The following TARBP1 variants were observed in gnomAD, a reference collection of about 807,000 sequenced individuals.
TARBP1 encodes the protein tRNA guanosine 2 -O-methyltransferase TARBP1, also known as tRNA (guanosine(18)-2'-O)-methyltransferase TARBP1.
TARBP1 carries 144 observed loss-of-function variants against 178.6 expected under a neutral mutation model. The ratio of observed to expected loss-of-function variants is 0.81; its 90% CI spans 0.70 to 0.93. The LOEUF (loss-of-function observed/expected upper bound fraction) is 0.93. TARBP1 is among the 40% of genes least tolerant of loss of function. TARBP1 has a pLI of 0.00. For missense variants in TARBP1, 2,067 were observed against 2,011.7 expected (o/e 1.03, Z -0.53); for synonymous variants, 787 against 781.0 (o/e 1.01, Z -0.13).
chr1:234,402,256 G>C (rs1660747101), intron 24 of TARBP1, among the ~76,000 whole-genome samples: 1 of 152,134 alleles, frequency 6.6e-6, no homozygotes, highest in Admixed American at 6.5e-5. Flanking sequence ...GTTTTCATTC[G>C]ATGCCTTTCT....
chr1:234,468,659 T>C (rs1458925844), intron 3 of TARBP1, among the ~76,000 whole-genome samples: 1 of 151,998 alleles, frequency 6.6e-6, no homozygotes, highest in Non-Finnish European at 1.5e-5. Flanking sequence ...TCCTTCAACA[T>C]CTCCTCATTG....
intron 12 of TARBP1, among the ~76,000 whole-genome samples, chr1:234,438,548 G>T (rs1436992561): frequency 6.6e-6 from 1 of 152,176 alleles, no homozygotes; most frequent in Non-Finnish European, 1.5e-5. Context: ...TGCGAGAGGA[G>T]TCAGAACTTG....
chr1:234,397,885 G>A (rs72761959), intron 26 of TARBP1, among the ~76,000 whole-genome samples: 23 of 117,080 alleles, frequency 2.0e-4, no homozygotes, highest in Non-Finnish European at 3.9e-4. Context: ...CCCAGAGGAA[G>A]CTGGTGGAAA....
intron 26 of TARBP1, 30 bp downstream of exon 26, chr1:234,398,352 G>A: frequency 1.9e-6 from 3 of 1,541,598 alleles, no homozygotes; most frequent in South Asian, 1.3e-5. Flanking sequence ...ATCAACAAGG[G>A]GAAAAAATAA....
intron 5 of TARBP1, 78 bp from the exon 6 acceptor site, chr1:234,464,012 C>T (rs1293535890): frequency 5.0e-6 from 4 of 797,380 alleles, no homozygotes; most frequent in Non-Finnish European, 7.3e-6. Context: ...CTAAATGGAC[C>T]ATGGCCCAAA....
chr1:234,408,488 G>A (rs1661489543), intron 23 of TARBP1, among the ~76,000 whole-genome samples: 1 of 152,182 alleles, frequency 6.6e-6, no homozygotes. Flanking sequence ...TTAGCCTCAA[G>A]ATTAGAAATT....
intron 23 of TARBP1, chr1:234,407,031 A>C (rs1661314845): frequency 6.6e-6 from 1 of 152,270 alleles, no homozygotes; most frequent in Admixed American, 6.5e-5. Context: ...GGATAAAAAC[A>C]GAGATAAACA....
intron 28 of TARBP1, among the ~76,000 whole-genome samples, chr1:234,393,137 A>G (rs917717039): frequency 2.0e-5 from 3 of 152,246 alleles, no homozygotes; most frequent in East Asian, 1.9e-4. Context: ...CTATAAAAAA[A>G]TAAGTAGAAA....
intron 11 of TARBP1, among the ~76,000 whole-genome samples, 183 bp from the exon 12 acceptor site, chr1:234,447,158 G>GCTTTCCC (rs1337164729): frequency 1.3e-5 from 2 of 152,038 alleles, no homozygotes; most frequent in Non-Finnish European, 2.9e-5. Flanking sequence ...TCCCGTGAGG[G>GCTTTCCC]TGGCGACTCA....
intron 22 of TARBP1, among the ~76,000 whole-genome samples, chr1:234,417,036 T>C (rs2103084233): frequency 6.6e-6 from 1 of 152,204 alleles, no homozygotes; most frequent in East Asian, 1.9e-4. Flanking sequence ...AATTATGAAG[T>C]TGACTGCAGT....
At chr1:234,471,093 G>T in intron 3 of TARBP1, 95 bp downstream of exon 3, 1 of 940,992 alleles carries the variant, frequency 1.1e-6, no homozygotes, top group Non-Finnish European at 1.6e-6. Context: ...CACTTTTATA[G>T]TTTTTCAAAA....
At chr1:234,466,300 C>T (rs969070483) in intron 4 of TARBP1, among the ~76,000 whole-genome samples, 1 of 152,042 alleles carries the variant, frequency 6.6e-6, no homozygotes, top group African/African-American at 2.4e-5. Context: ...TCCCTTGAGG[C>T]CAGGATTTTG....
chr1:234,475,129 G>A (rs1558265938), intron 1 of TARBP1, among the ~76,000 whole-genome samples: 1 of 152,212 alleles, frequency 6.6e-6, no homozygotes, highest in Non-Finnish European at 1.5e-5. Flanking sequence ...GCCTGCCCCG[G>A]TGCTCTCGAG....
intron 25 of TARBP1, among the ~76,000 whole-genome samples, chr1:234,400,053 C>CAAATAAAAAAA (rs748345592): frequency 1.4e-5 from 2 of 142,062 alleles, no homozygotes; most frequent in African/African-American, 5.2e-5. Context: ...AAAATAAAAA[C>CAAATAAAAAAA]AAAAAAAAAA....
At chr1:234,471,127 G>T in intron 3 of TARBP1, 61 bp downstream of exon 3, 1 of 1,270,326 alleles carries the variant, frequency 7.9e-7, no homozygotes, top group Non-Finnish European at 1.1e-6. Context: ...ACAGGAATTA[G>T]TTACAAAATC....
In TARBP1 at chr1:234,398,563, G is replaced by C. The variant is rs756265540; in HGVS notation, c.4072-10C>G. 6.6e-7 allele frequency: 1 copy of C among 1,518,198 alleles called. No individual in the cohort carries two copies. The highest frequency in any genetic ancestry group is 8.9e-7 in the Non-Finnish European group (1 of 1,125,676). 94.0% of individuals were successfully genotyped at this position (1,518,198 alleles called of 1,614,324 possible). On this transcript the variant is annotated splice_polypyrimidine_tract_variant and intron_variant, in intron 25 of 29. Coordinates refer to ENST00000040877, the MANE Select transcript of TARBP1 (RefSeq NM_005646.4). The stretch of plus-strand genomic sequence containing the variant: ...GGATGTAAAATATGGTCTGAAAAGA[G>C]AATTATAAAATCTAAATTTCTTCCC...
chr1:234,439,919 T>C (rs1665422235), intron 12 of TARBP1, among the ~76,000 whole-genome samples: 1 of 152,214 alleles, frequency 6.6e-6, no homozygotes, highest in African/African-American at 2.4e-5. Flanking sequence ...CTGACATTTA[T>C]TGAACACGTC....
Position 234,427,752 on chromosome 1 carries a change from T to G in TARBP1, c.3075A>C (p.Ile1025=). ...CAGTCTTTATAGCAGACATTTCAATTATCTTGTACATAATCTGGAATAAAA... is the reference window on the plus strand; with the variant it reads ...CAGTCTTTATAGCAGACATTTCAATGATCTTGTACATAATCTGGAATAAAA... ...YFKIKEIMYK[I]IEMSAIKTGV... Residue 1025 remains isoleucine (I), a synonymous_variant, in exon 18 of 30, where the codon ATA becomes ATC. Transcript: ENST00000040877. 7.0e-7 allele frequency: 1 copy of G among 1,429,306 alleles called. No individual in the cohort carries two copies. Among genetic ancestry groups the G allele is most frequent in the Non-Finnish European group, 9.2e-7 (1 of 1,089,388 alleles). The allele number at this position is 1,429,306 out of a possible 1,614,324, so 88.5% of individuals were successfully genotyped here.
chr1:234,437,323 G>A lies in TARBP1; in HGVS notation c.2184C>T (p.Ser728=). The change falls in exon 13 of 30, where the codon AGC becomes AGT. Residue 728 remains serine, a synonymous_variant. Coordinates refer to ENST00000040877, the MANE Select transcript of TARBP1 (RefSeq NM_005646.4). ...LQNFFMSTTE[S]ISEFILRRLT... is the part of the protein sequence containing the mutation. The stretch of plus-strand genomic sequence containing the variant: ...GTCTTCTGAGAATAAATTCAGAAAT[G>A]CTCTCTGTAGTAGACATGAAAAAGT... 2.5e-6 allele frequency: 4 copies of A among 1,598,536 alleles called. No individual in the cohort carries two copies. Among genetic ancestry groups the A allele is most frequent in the Middle Eastern group, 1.7e-4 (1 of 6,020 alleles).
Sources: gnomAD v4.1 joint callset for allele counts (sites outside exome capture counted in the v4.1 genomes callset) on GRCh38, gnomAD v4.1.1 for gene constraint, MANE v1.5 for transcripts, NCBI Gene and HGNC (gene_info 2026-07-23, HGNC 2026-07-21) for gene names.